The following HSF5 variants were observed in gnomAD, a reference collection of about 807,000 sequenced individuals.
The protein encoded by HSF5 is heat shock factor protein 5.
Under a neutral mutation model 50.8 loss-of-function variants are expected in HSF5, and 5 were observed. The ratio of observed to expected loss-of-function variants is 0.10; its 90% CI spans 0.05 to 0.21. The LOEUF is 0.21. Among genes scored for constraint, HSF5 ranks in the 10% least tolerant of loss-of-function variants. The pLI, the probability that HSF5 is intolerant of heterozygous loss-of-function variation, is 1.00. For missense variants in HSF5, 564 were observed against 762.6 expected, an observed-to-expected ratio of 0.74 and a Z score of 3.07; for synonymous variants, 307 against 307.4, an observed-to-expected ratio of 1.00 and a Z score of 0.02.
chr17:58,483,037 CT>C (rs1215087056), intron 1 of HSF5, among the ~76,000 whole-genome samples: 1 of 152,050 alleles, frequency 6.6e-6, no homozygotes, highest in Non-Finnish European at 1.5e-5. Flanking sequence ...ACACCCCCTC[CT>C]TTTTTTCTCT....
At chr17:58,454,059 A>G (rs955744311) in intron 5 of HSF5, among the ~76,000 whole-genome samples, 2 of 152,090 alleles carry the variant, frequency 1.3e-5, no homozygotes, top group African/African-American at 4.8e-5. Flanking sequence ...GCGCCACTGC[A>G]CTTCAGCCTG....
chr17:58,476,974 C>T (rs1399242662), intron 2 of HSF5: 5 of 618,578 alleles, frequency 8.1e-6, no homozygotes, highest in South Asian at 3.8e-5. Context: ...GAGACGGGGG[C>T]GGGGGAAGGG....
chr17:58,478,864 CAAAAAAA>C (rs11363228), intron 2 of HSF5, among the ~76,000 whole-genome samples: 1 of 95,428 alleles, frequency 1.0e-5, no homozygotes, highest in Non-Finnish European at 2.2e-5. Context: ...ACTCCATCTC[CAAAAAAA>C]AAAAAAAAAA....
At chr17:58,486,605 C>A (rs780163459) in intron 1 of HSF5, among the ~76,000 whole-genome samples, 1 of 152,186 alleles carries the variant, frequency 6.6e-6, no homozygotes, top group Admixed American at 6.5e-5. Context: ...TTTAAGGAAG[C>A]ATCAAGCTCT....
chr17:58,476,260 CCTT>C, intron 2 of HSF5: 1 of 941,038 alleles, frequency 1.1e-6, no homozygotes, highest in South Asian at 1.3e-5. Flanking sequence ...ATCTTCTTCT[CCTT>C]CTTCATCATC....
intron 3 of HSF5, among the ~76,000 whole-genome samples, chr17:58,464,736 G>A (rs924009429): frequency 2.6e-5 from 4 of 152,070 alleles, no homozygotes; most frequent in African/African-American, 7.2e-5. Flanking sequence ...AGGTTCAGGC[G>A]ATTCTCCTGC....
In HSF5 at chr17:58,471,796, G is replaced by C. The variant is rs73317785; in HGVS notation, c.926-4817C>G. 9.6e-3 allele frequency among the ~76,000 whole-genome samples: 1,457 copies of C among 151,860 alleles called. 28 individuals are homozygous for C. The highest frequency in any genetic ancestry group is 0.033 in the African/African-American group (1,358 of 41,418). ...AAATTAAAAATATCACGTGTACCTT[G>C]GGGGAAAGCATATATTCTTATAAAT... On this transcript the variant is annotated intron_variant, in intron 2 of 5. Transcript: ENST00000323777.
chr17:58,448,705 C>T lies in HSF5; in HGVS notation c.1720+10063G>A, dbSNP rs9901172. 9.1e-3 allele frequency among the ~76,000 whole-genome samples: 1,385 copies of T among 152,168 alleles called. 24 individuals carry two copies. Among genetic ancestry groups the T allele is most frequent in the African/African-American group, 0.031 (1,268 of 41,546 alleles). On this transcript the variant is annotated intron_variant, in intron 5 of 5. Coordinates refer to ENST00000323777, the MANE Select transcript of HSF5 (RefSeq NM_001080439.3). ...AAAAGCTGAGAGAATTCATCACCAC[C>T]AGACCTGTTTTACTAGAAATGTTAA...
chr17:58,478,741 T>C (rs1225234163), intron 2 of HSF5, among the ~76,000 whole-genome samples: 5 of 150,564 alleles, frequency 3.3e-5, no homozygotes, highest in African/African-American at 1.2e-4. Flanking sequence ...TGGACATCTG[T>C]AATCCCAGCT....
chr17:58,435,898 CAAAA>C (rs11458311), intron 5 of HSF5, among the ~76,000 whole-genome samples: 1 of 60,286 alleles, frequency 1.7e-5, no homozygotes, highest in Admixed American at 1.9e-4. Flanking sequence ...GACTCCATCT[CAAAA>C]AAAAAAAAAA....
At position 58,420,258 on chromosome 17, in the gene HSF5, T is replaced by G. The variant is rs1974211315; in HGVS notation, c.*2102A>C. ...CTGAGGTACTAGTCAGGAACCTTGT[T>G]AGTTGACTAGTTGTGTCAGACCCTA... On this transcript the variant is annotated 3_prime_UTR_variant, in exon 6 of 6. Transcript: ENST00000323777. The G allele has an allele frequency of 6.6e-6, 1 of 152,210 alleles. No homozygotes were observed. Among genetic ancestry groups the G allele is most frequent in the African/African-American group, 2.4e-5 (1 of 41,458 alleles). The allele number at this position is 152,210 out of a possible 1,614,324, so 9.4% of individuals were successfully genotyped here.
chr17:58,471,305 G>T (rs1394745967), intron 2 of HSF5, among the ~76,000 whole-genome samples: 3 of 152,088 alleles, frequency 2.0e-5, no homozygotes, highest in African/African-American at 4.8e-5. Context: ...GAGCTTCCTG[G>T]TGCTAAGTGC....
chr17:58,445,997 G>C (rs1181994804), intron 5 of HSF5, among the ~76,000 whole-genome samples: 1 of 152,018 alleles, frequency 6.6e-6, no homozygotes, highest in Non-Finnish European at 1.5e-5. Flanking sequence ...AATTAGCCAG[G>C]TATGGTGGCA....
At chr17:58,451,127 AG>A (rs1392818209) in intron 5 of HSF5, among the ~76,000 whole-genome samples, 3 of 152,196 alleles carry the variant, frequency 2.0e-5, no homozygotes, top group Admixed American at 2.0e-4. Context: ...GGGTTAATAC[AG>A]CAGGAGGATA....
At chr17:58,434,563 A>G (rs7214500) in intron 5 of HSF5, among the ~76,000 whole-genome samples, 13,377 of 151,438 alleles carry the variant, frequency 0.088, 879 homozygotes, top group East Asian at 0.31. Flanking sequence ...AAAAAAAAAA[A>G]GATAAAATGT....
chr17:58,471,913 G>C (rs1396403799), intron 2 of HSF5, among the ~76,000 whole-genome samples: 1 of 152,038 alleles, frequency 6.6e-6, no homozygotes, highest in Non-Finnish European at 1.5e-5. Context: ...GAGTGCAGTG[G>C]CGCGATCTCA....
chr17:58,430,761 A>AT (rs772639549), intron 5 of HSF5, among the ~76,000 whole-genome samples: 4 of 152,204 alleles, frequency 2.6e-5, no homozygotes, highest in Non-Finnish European at 4.4e-5. Flanking sequence ...CTCAGCCTCC[A>AT]TAACAGTATA....
intron 5 of HSF5, among the ~76,000 whole-genome samples, chr17:58,435,898 CAAA>C (rs11458311): frequency 1.2e-4 from 7 of 60,262 alleles, no homozygotes; most frequent in African/African-American, 2.5e-4. Flanking sequence ...GACTCCATCT[CAAA>C]AAAAAAAAAA....
At chr17:58,448,702 C>T (rs1974594816) in intron 5 of HSF5, among the ~76,000 whole-genome samples, 2 of 152,222 alleles carry the variant, frequency 1.3e-5, no homozygotes, top group Admixed American at 6.5e-5. Flanking sequence ...AATTCATCAC[C>T]ACCAGACCTG....
Sources: gnomAD v4.1 joint callset for allele counts (sites outside exome capture counted in the v4.1 genomes callset) on GRCh38, gnomAD v4.1.1 for gene constraint, MANE v1.5 for transcripts, NCBI Gene and HGNC (gene_info 2026-07-23, HGNC 2026-07-21) for gene names.